The following NRDC variants were observed in gnomAD, a reference collection of about 807,000 sequenced individuals.
The protein encoded by NRDC is nardilysin.
In NRDC, 54 loss-of-function variants were observed where a neutral mutation model predicts 147.1. That is an observed-to-expected ratio of 0.37 (90% CI 0.29 to 0.46). The LOEUF (loss-of-function observed/expected upper bound fraction) is 0.46, where lower values mean the gene tolerates loss of function less well. NRDC is among the 20% of genes least tolerant of loss of function. The probability of loss-of-function intolerance (pLI) is 1.00; values close to 1 mark genes in which losing one functional copy is unlikely to be tolerated. For missense variants in NRDC, 1,082 were observed against 1,370.6 expected, an observed-to-expected ratio of 0.79 and a Z score of 3.33; for synonymous variants, 440 against 482.1, an observed-to-expected ratio of 0.91 and a Z score of 1.14.
At chr1:51,814,204 T>C in intron 13 of NRDC, 115 bp from the exon 14 acceptor site, 1 of 655,394 alleles carries the variant, frequency 1.5e-6, no homozygotes, top group South Asian at 2.0e-5. Context: ...GTAGGCTTAG[T>C]ACCTGGGTGA....
intron 1 of NRDC, among the ~76,000 whole-genome samples, chr1:51,857,297 A>C: frequency 6.6e-6 from 1 of 152,212 alleles, no homozygotes; most frequent in Admixed American, 6.5e-5. Flanking sequence ...GAACTGTAAC[A>C]AATCTGGCTG....
chr1:51,837,595 C>T (rs202136890), intron 2 of NRDC: 60 of 1,571,554 alleles, frequency 3.8e-5, no homozygotes, highest in Middle Eastern at 1.7e-4. Flanking sequence ...CAGCTTTGAC[C>T]ACAGCAAAAA....
intron 1 of NRDC, among the ~76,000 whole-genome samples, chr1:51,842,331 A>G (rs1681312246): frequency 1.3e-5 from 2 of 152,080 alleles, no homozygotes; most frequent in Non-Finnish European, 1.5e-5. Flanking sequence ...ATTAGAAGAC[A>G]TGCAAATTTG....
rs758222716 is a variant in NRDC, at chr1:51,840,303, C to T, written c.553G>A (p.Asp185Asn). 1.7e-5 allele frequency: 27 copies of T among 1,581,442 alleles called. No individual in the cohort carries two copies. Among genetic ancestry groups the T allele is most frequent in the South Asian group, 1.0e-4 (9 of 90,354 alleles). Residue 185 changes from aspartate (D) to asparagine (N), a missense_variant, in exon 2 of 31, where the codon GAT (aspartate) becomes AAT (asparagine). Asp to Asn is a conservative substitution (Grantham distance 23). This residue lies in a region of NRDC where 260 missense variants were observed against 253.2 expected (regional missense o/e 1.03). Coordinates refer to ENST00000352171, the MANE Select transcript of NRDC (RefSeq NM_001101662.2). ...AATTCATTATCCTCAGTATCAAGAT[C>T]ATCATCATGTTCATCATCAAACTCA... ...EDEFDDEHDD[D>N]LDTEDNELEE... is the part of the protein sequence containing the mutation.
At chr1:51,791,745 G>T in intron 26 of NRDC, 84 bp from the exon 27 acceptor site, 1 of 1,117,238 alleles carries the variant, frequency 9.0e-7, no homozygotes, top group Non-Finnish European at 1.3e-6. Context: ...AGTGGGAAAA[G>T]TTTCTGCCCA....
chr1:51,846,205 A>C (rs1393223690), intron 1 of NRDC, among the ~76,000 whole-genome samples: 1 of 151,602 alleles, frequency 6.6e-6, no homozygotes, highest in Non-Finnish European at 1.5e-5. Context: ...TCCACTTCCC[A>C]GGTTCAAAGT....
intron 24 of NRDC, among the ~76,000 whole-genome samples, chr1:51,792,715 T>A (rs1231559694): frequency 6.6e-6 from 1 of 152,144 alleles, no homozygotes; most frequent in African/African-American, 2.4e-5. Context: ...AGAGGACACA[T>A]TCTAAAATTA....
At chr1:51,793,719 G>A (rs1350199749) in intron 24 of NRDC, among the ~76,000 whole-genome samples, 1 of 152,210 alleles carries the variant, frequency 6.6e-6, no homozygotes, top group Non-Finnish European at 1.5e-5. Context: ...TGACAAAGAA[G>A]TGAATTCCTG....
At position 51,796,681 on chromosome 1, in the gene NRDC, G is replaced by A. The variant is rs186561535; in HGVS notation, c.2604+1568C>T. ...CAGTTTAGTGCAACCTCCGCCTCCCGGATTCAAGCAATTCTCCTGCCTCAG... is the reference window on the plus strand; with the variant it reads ...CAGTTTAGTGCAACCTCCGCCTCCCAGATTCAAGCAATTCTCCTGCCTCAG... On this transcript the variant is annotated intron_variant, in intron 22 of 30. Coordinates refer to ENST00000352171, the MANE Select transcript of NRDC (RefSeq NM_001101662.2). 1.1e-4 allele frequency among the ~76,000 whole-genome samples: 16 copies of A among 151,420 alleles called. No individual in the cohort carries two copies. In the East Asian group the frequency reaches 2.4e-3, roughly 22 times the overall value.
intron 26 of NRDC, 141 bp downstream of exon 26, chr1:51,791,905 C>G: frequency 2.2e-6 from 2 of 905,430 alleles, no homozygotes; most frequent in Middle Eastern, 2.3e-4. Flanking sequence ...ATACAAATTC[C>G]AAAAGTTTGG....
At chr1:51,858,486 AAAAG>A (rs1335577111) in intron 1 of NRDC, among the ~76,000 whole-genome samples, 11 of 152,178 alleles carry the variant, frequency 7.2e-5, no homozygotes, top group Non-Finnish European at 1.3e-4. Flanking sequence ...AAAAAAAAAA[AAAAG>A]GCAAATAAAA....
intron 5 of NRDC, among the ~76,000 whole-genome samples, chr1:51,825,889 C>T (rs1362967033): frequency 6.6e-6 from 1 of 152,140 alleles, no homozygotes; most frequent in African/African-American, 2.4e-5. Flanking sequence ...AACTTAATCC[C>T]CAATGTGATG....
intron 2 of NRDC, among the ~76,000 whole-genome samples, chr1:51,839,517 C>T (rs770317590): frequency 3.9e-5 from 6 of 151,986 alleles, no homozygotes; most frequent in East Asian, 3.9e-4. Context: ...GTACTGGCTC[C>T]GAAAATTATC....
In NRDC at chr1:51,878,514, A is replaced by AC. The variant is rs780299612; in HGVS notation, c.101dup (p.Arg35SerfsTer30). ...TGGCAGCAGCAGAGTCTTCGCACCG[A>AC]CCCCGCGTTTCGATTCCCCAGAGCG... On this transcript the variant is annotated frameshift_variant, in exon 1 of 31. Transcript: ENST00000352171. LOFTEE classifies it high-confidence loss of function. The AC allele has an allele frequency of 1.3e-5, 21 of 1,613,258 alleles. 1 individual carries two copies. In the South Asian group the frequency reaches 2.3e-4, roughly 18 times the overall value.
chr1:51,818,339 A>G (rs1680063289), intron 9 of NRDC, among the ~76,000 whole-genome samples: 1 of 152,192 alleles, frequency 6.6e-6, no homozygotes, highest in Non-Finnish European at 1.5e-5. Context: ...TCAGAGGTAG[A>G]GAAAGCAGGG....
intron 1 of NRDC, among the ~76,000 whole-genome samples, chr1:51,852,995 G>A (rs990940381): frequency 2.0e-5 from 3 of 152,046 alleles, no homozygotes; most frequent in East Asian, 1.9e-4. Flanking sequence ...AGGCCGAGGC[G>A]GGTAGATCAT....
intron 1 of NRDC, among the ~76,000 whole-genome samples, chr1:51,875,659 G>C (rs1457895503): frequency 4.6e-5 from 7 of 152,070 alleles, no homozygotes; most frequent in Non-Finnish European, 2.9e-5. Flanking sequence ...CTCAGGCTAA[G>C]GAATCTTCCT....
At chr1:51,860,843 A>G (rs925864132) in intron 1 of NRDC, among the ~76,000 whole-genome samples, 1 of 152,252 alleles carries the variant, frequency 6.6e-6, no homozygotes, top group Non-Finnish European at 1.5e-5. Flanking sequence ...TCAGCCTTAA[A>G]AACATCTTTA....
intron 1 of NRDC, among the ~76,000 whole-genome samples, chr1:51,846,856 C>A (rs187561561): frequency 1.1e-4 from 16 of 152,306 alleles, no homozygotes; most frequent in Non-Finnish European, 4.4e-5. Flanking sequence ...GCTGATTGGT[C>A]CATTTTGACA....
Sources: gnomAD v4.1 joint callset for allele counts (sites outside exome capture counted in the v4.1 genomes callset) on GRCh38, gnomAD v4.1.1 for gene constraint, gnomAD v4.1.1 regional missense constraint, MANE v1.5 for transcripts, NCBI Gene and HGNC (gene_info 2026-07-23, HGNC 2026-07-21) for gene names.